The following ENY2 variants were observed in gnomAD, a reference collection of about 807,000 sequenced individuals.
ENY2 encodes ENY2 transcription and export complex 2 subunit.
ENY2 carries 4 observed loss-of-function variants against 15.9 expected under a neutral mutation model. That is an observed-to-expected ratio of 0.25 (90% CI 0.12 to 0.57). The LOEUF is 0.57. Among genes scored for constraint, ENY2 ranks in the 20% least tolerant of loss-of-function variants. ENY2 has a pLI of 0.91. For missense variants in ENY2, 54 were observed against 117.2 expected, an observed-to-expected ratio of 0.46 and a Z score of 2.49; for synonymous variants, 48 against 38.0, an observed-to-expected ratio of 1.26 and a Z score of -0.97.
chr8:109,340,378 A>T, intron 3 of ENY2, 111 bp from the exon 4 acceptor site: 2 of 1,474,436 alleles, frequency 1.4e-6, no homozygotes, highest in South Asian at 1.3e-5. Context: ...TCCTTTTTTT[A>T]AAAAAACCAG....
At chr8:109,335,349 T>C (rs1207170275) in intron 1 of ENY2, 3 of 149,548 alleles carry the variant, frequency 2.0e-5, no homozygotes, top group Non-Finnish European at 1.5e-5. Context: ...AATTTTATTT[T>C]TTTTGATTAA....
chr8:109,343,069 T>G (rs1178495278), intron 4 of ENY2, among the ~76,000 whole-genome samples: 3 of 152,192 alleles, frequency 2.0e-5, no homozygotes. Context: ...TTATGGTGAT[T>G]TTTCATTCAG....
rs1224509138 is a variant in ENY2, at chr8:109,334,542, C to T, written c.6+68C>T. 3.9e-6 allele frequency: 6 copies of T among 1,547,976 alleles called. No homozygotes were observed. In the African/African-American group the frequency reaches 4.1e-5, roughly 11 times the overall value. On this transcript the variant is annotated intron_variant, in intron 1 of 4. Transcript: ENST00000521688. The stretch of plus-strand genomic sequence containing the variant: ...GCCCAGGCTCCTTTCGATGTACTGT[C>T]TTTCGTTAGCGTCCCCGACCCGCGC...
intron 2 of ENY2, among the ~76,000 whole-genome samples, chr8:109,337,524 A>G (rs560998263): frequency 6.6e-6 from 1 of 152,320 alleles, no homozygotes; most frequent in East Asian, 1.9e-4. Flanking sequence ...AAACTGTGTA[A>G]TAATGTCAGA....
chr8:109,342,545 T>G (rs561171187), intron 4 of ENY2: 19 of 432,800 alleles, frequency 4.4e-5, no homozygotes, highest in Non-Finnish European at 7.4e-5. Context: ...GATCTTGCTC[T>G]GTCACCGAGG....
In ENY2 at chr8:109,343,976, A is replaced by T. The variant is rs975574137; in HGVS notation, c.*495A>T. ...ATGTGCCTTCCTTATGCTTCAAAGA[A>T]TTTACCATCTAATGGAAGAGAACAT... On this transcript the variant is annotated 3_prime_UTR_variant, in exon 5 of 5. Coordinates refer to ENST00000521688, the MANE Select transcript of ENY2 (RefSeq NM_020189.6). 1 of 152,304 alleles carries T rather than the reference A, an allele frequency of 6.6e-6. No homozygotes were observed. The highest frequency in any genetic ancestry group is 1.5e-5 in the Non-Finnish European group (1 of 68,136). 9.4% of individuals were successfully genotyped at this position (152,304 alleles called of 1,614,324 possible).
In ENY2 at chr8:109,344,211, A is replaced by T. The variant is rs745556253; in HGVS notation, c.*730A>T. Reference sequence around the variant, plus strand: ...TACGTGACTTCTGCTGGAAAATGCGAATGTTGACCATCCTGCCACTTGGAA... The same window carrying T: ...TACGTGACTTCTGCTGGAAAATGCGTATGTTGACCATCCTGCCACTTGGAA... On this transcript the variant is annotated 3_prime_UTR_variant, in exon 5 of 5. Transcript: ENST00000521688. The T allele has an allele frequency of 1.3e-5, 2 of 152,168 alleles. No homozygotes were observed. The highest frequency in any genetic ancestry group is 2.4e-5 in the African/African-American group (1 of 41,408). The allele number at this position is 152,168 out of a possible 1,614,324, so 9.4% of individuals were successfully genotyped here.
intron 2 of ENY2, among the ~76,000 whole-genome samples, chr8:109,337,359 T>G (rs1376502510): frequency 6.6e-6 from 1 of 151,990 alleles, no homozygotes; most frequent in African/African-American, 2.4e-5. Flanking sequence ...TATGTTGTTT[T>G]TTTTTTTTGT....
chr8:109,337,365 T>G lies in ENY2; in HGVS notation c.83+1161T>G, dbSNP rs530547885. Among the ~76,000 whole-genome samples, 783 of 152,104 alleles carry G rather than the reference T, an allele frequency of 5.1e-3. 3 individuals are homozygous for G. The highest frequency in any genetic ancestry group is 0.033 in the South Asian group (160 of 4,820). On this transcript the variant is annotated intron_variant, in intron 2 of 4. Coordinates refer to ENST00000521688, the MANE Select transcript of ENY2 (RefSeq NM_020189.6). Reference sequence around the variant, plus strand: ...TACGGATTGTATGTTGTTTTTTTTTTTTGTTGTTTGTTTTTGATTCATGCA... The same window carrying G: ...TACGGATTGTATGTTGTTTTTTTTTGTTGTTGTTTGTTTTTGATTCATGCA...
At chr8:109,334,508 C>G in intron 1 of ENY2, 34 bp downstream of exon 1, 2 of 1,608,010 alleles carry the variant, frequency 1.2e-6, no homozygotes, top group Non-Finnish European at 1.7e-6. Flanking sequence ...GGGCCGGGAC[C>G]CGGGCCCAGC....
intron 2 of ENY2, 108 bp from the exon 3 acceptor site, chr8:109,339,212 G>GT (rs1816063122): frequency 2.1e-6 from 2 of 945,498 alleles, no homozygotes; most frequent in East Asian, 5.0e-5. Flanking sequence ...TTAAAGTTTT[G>GT]TAACTGGAAG....
At position 109,339,347 on chromosome 8, in the gene ENY2, A is replaced by G. The variant is rs1816066434; in HGVS notation, c.111A>G (p.Leu37=). The change falls in exon 3 of 5, where the codon TTA becomes TTG. Residue 37 remains leucine (L), a synonymous_variant. Coordinates refer to ENST00000521688, the MANE Select transcript of ENY2 (RefSeq NM_020189.6). The part of the protein sequence containing the change: ...ERLKELLRAK[L]IECGWKDQLK... ...TCAAAGAGTTGCTGAGAGCTAAATT[A>G]ATTGAATGTGGCTGGAAGGATCAGT... 6.2e-7 allele frequency: 1 copy of G among 1,613,894 alleles called. No homozygotes were observed. The highest frequency in any genetic ancestry group is 8.5e-7 in the Non-Finnish European group (1 of 1,179,922).
intron 2 of ENY2, chr8:109,338,491 TTAAA>T (rs1358900856): frequency 6.6e-6 from 1 of 152,138 alleles, no homozygotes; most frequent in African/African-American, 2.4e-5. Context: ...AAAGACCTAA[TTAAA>T]TATTAAGATG....
In ENY2 at chr8:109,343,430, G is replaced by A; in HGVS notation, c.255G>A (p.Lys85=). The part of the protein sequence containing the change: ...GRALVPDSVK[K]ELLQRIRTFL... ...CCCTGGTACCTGACAGTGTAAAGAA[G>A]GAGCTCCTACAAAGAATAAGAACAT... Residue 85 remains lysine (K), a synonymous_variant, in exon 5 of 5, where the codon AAG becomes AAA. Transcript: ENST00000521688. 6.2e-7 allele frequency: 1 copy of A among 1,612,288 alleles called. No individual in the cohort carries two copies. Among genetic ancestry groups the A allele is most frequent in the Non-Finnish European group, 8.5e-7 (1 of 1,179,312 alleles).
rs1363997352 is a variant in ENY2, at chr8:109,334,419, A to AG, written c.-49dup. On this transcript the variant is annotated 5_prime_UTR_variant, in exon 1 of 5. Coordinates refer to ENST00000521688, the MANE Select transcript of ENY2 (RefSeq NM_020189.6). ...AAGAGTGTGGTAGGTAACGGTCCTCAGCGCAAGGGTCATTTCGTCGCTGGG... is the reference window on the plus strand; with the variant it reads ...AAGAGTGTGGTAGGTAACGGTCCTCAGGCGCAAGGGTCATTTCGTCGCTGGG... 6.2e-7 allele frequency: 1 copy of AG among 1,613,516 alleles called. No individual in the cohort carries two copies. Among genetic ancestry groups the AG allele is most frequent in the Admixed American group, 1.7e-5 (1 of 59,962 alleles).
chr8:109,336,328 A>G (rs1159579762), intron 2 of ENY2, 124 bp downstream of exon 2: 16 of 860,302 alleles, frequency 1.9e-5, no homozygotes, highest in Non-Finnish European at 2.7e-5. Context: ...AAAAGTTTCT[A>G]TTCCGAACAT....
rs1025708728 is a variant in ENY2 at position 109,344,845 on chromosome 8, A to G, written c.*1364A>G. The G allele has an allele frequency of 3.3e-5, 5 of 152,136 alleles. No homozygotes were observed. The highest frequency in any genetic ancestry group is 1.9e-4 in the East Asian group (1 of 5,194). 9.4% of individuals were successfully genotyped at this position (152,136 alleles called of 1,614,324 possible). ...ACTTAGTATTTCTTTGCCTTAGTTG[A>G]TCTGTGACCCCTCCAATATCTATTC... On this transcript the variant is annotated 3_prime_UTR_variant, in exon 5 of 5. Transcript: ENST00000521688.
rs1229301996 is a variant in ENY2, at chr8:109,340,518, G to A, written c.184G>A (p.Val62Ile). 8.7e-6 allele frequency: 14 copies of A among 1,613,454 alleles called. No individual in the cohort carries two copies. The highest frequency in any genetic ancestry group is 4.5e-5 in the East Asian group (2 of 44,788). Residue 62 changes from valine (V) to isoleucine (I), a missense_variant, in exon 4 of 5, where the codon GTT (valine) becomes ATT (isoleucine). By Grantham distance (29) the Val-to-Ile change is conservative. Transcript: ENST00000521688. Reference protein sequence around the residue: ...EVIKEKGLEHVTVDDLVAEIT... With the variant: ...EVIKEKGLEHITVDDLVAEIT... ...AATTAAAGAAAAAGGACTAGAACACGTTACTGTTGATGACTTGGTGGCTGA... is the reference window on the plus strand; with the variant it reads ...AATTAAAGAAAAAGGACTAGAACACATTACTGTTGATGACTTGGTGGCTGA...
intron 4 of ENY2, 139 bp from the exon 5 acceptor site, chr8:109,343,266 C>A: frequency 1.7e-6 from 1 of 604,868 alleles, no homozygotes; most frequent in Non-Finnish European, 2.7e-6. Context: ...TGTCAGATAA[C>A]TTTACCTTTT....
Sources: gnomAD v4.1 joint callset for allele counts (sites outside exome capture counted in the v4.1 genomes callset) on GRCh38, gnomAD v4.1.1 for gene constraint, MANE v1.5 for transcripts, NCBI Gene and HGNC (gene_info 2026-07-23, HGNC 2026-07-21) for gene names.